The following SGPP1 variants were observed in gnomAD, a reference collection of about 807,000 sequenced individuals.
SGPP1 encodes hSPP1.
Under a neutral mutation model 33.0 loss-of-function variants are expected in SGPP1, and 21 were observed. The observed-to-expected ratio is 0.64, with a 90% CI of 0.45 to 0.92. The LOEUF (loss-of-function observed/expected upper bound fraction) is 0.92. Ranked by LOEUF, SGPP1 falls within the 40% of genes least tolerant of loss-of-function variation. The pLI is 0.00. For missense variants in SGPP1, 543 were observed against 589.4 expected, an observed-to-expected ratio of 0.92 and a Z score of 0.81; for synonymous variants, 239 against 241.2, an observed-to-expected ratio of 0.99 and a Z score of 0.08.
chr14:63,687,731 T>C (rs1270846146), intron 2 of SGPP1, among the ~76,000 whole-genome samples: 1 of 152,206 alleles, frequency 6.6e-6, no homozygotes, highest in Non-Finnish European at 1.5e-5. Context: ...CTGGGTGCAG[T>C]GGCTCATGCC....
At chr14:63,701,963 A>AT (rs1008860176) in intron 1 of SGPP1, among the ~76,000 whole-genome samples, 8 of 151,234 alleles carry the variant, frequency 5.3e-5, no homozygotes, top group Non-Finnish European at 8.8e-5. Flanking sequence ...AAAAAAAAAA[A>AT]GTCAACTTTA....
intron 1 of SGPP1, among the ~76,000 whole-genome samples, chr14:63,723,949 C>T (rs1207212402): frequency 1.3e-5 from 2 of 152,090 alleles, no homozygotes; most frequent in African/African-American, 4.8e-5. Flanking sequence ...GCAATCACAC[C>T]TCACTGCAGC....
Position 63,727,627 on chromosome 14 carries a change from G to GC in SGPP1, c.317dup (p.Ala107ArgfsTer95). 2 of 1,432,484 alleles carry GC rather than the reference G, an allele frequency of 1.4e-6. No individual in the cohort carries two copies. Among genetic ancestry groups the GC allele is most frequent in the Non-Finnish European group, 1.8e-6 (2 of 1,102,128 alleles). 88.7% of individuals were successfully genotyped at this position (1,432,484 alleles called of 1,614,324 possible). ...CCGTCAGCGAGTTGCGGCGCAGAGC[G>GC]CCCGCGCGCCGCGGCGAGGCCGGGC... is the stretch of plus-strand genomic sequence containing the variant. On this transcript the variant is annotated frameshift_variant, in exon 1 of 3. Transcript: ENST00000247225. LOFTEE classifies it high-confidence loss of function.
At chr14:63,712,950 C>T (rs1032500138) in intron 1 of SGPP1, among the ~76,000 whole-genome samples, 1 of 151,618 alleles carries the variant, frequency 6.6e-6, no homozygotes, top group African/African-American at 2.4e-5. Flanking sequence ...TGGCATTTCA[C>T]CATGTTGCCC....
chr14:63,696,643 T>C (rs1192755590), intron 2 of SGPP1, among the ~76,000 whole-genome samples: 1 of 152,204 alleles, frequency 6.6e-6, no homozygotes, highest in African/African-American at 2.4e-5. Flanking sequence ...CAATTCATAT[T>C]AAATACAAAT....
intron 1 of SGPP1, among the ~76,000 whole-genome samples, chr14:63,713,695 T>C (rs575239479): frequency 1.3e-5 from 2 of 152,360 alleles, no homozygotes; most frequent in Admixed American, 1.3e-4. Flanking sequence ...GATAGCCATA[T>C]CATGTTAGGT....
chr14:63,707,894 T>C (rs1034295830), intron 1 of SGPP1, among the ~76,000 whole-genome samples: 2 of 152,198 alleles, frequency 1.3e-5, no homozygotes, highest in South Asian at 4.1e-4. Flanking sequence ...AAATCTAGTC[T>C]GTGGTGACAA....
intron 1 of SGPP1, among the ~76,000 whole-genome samples, chr14:63,712,351 G>T (rs1315639999): frequency 6.6e-6 from 1 of 151,310 alleles, no homozygotes; most frequent in Non-Finnish European, 1.5e-5. Flanking sequence ...TTATGATACT[G>T]TCCAATCTAC....
At chr14:63,720,335 A>C (rs2139654691) in intron 1 of SGPP1, among the ~76,000 whole-genome samples, 1 of 152,172 alleles carries the variant, frequency 6.6e-6, no homozygotes, top group Non-Finnish European at 1.5e-5. Context: ...AGAAAAAGGA[A>C]AAGAAGGATG....
At chr14:63,696,179 T>C (rs1885182908) in intron 2 of SGPP1, among the ~76,000 whole-genome samples, 1 of 150,772 alleles carries the variant, frequency 6.6e-6, no homozygotes, top group Non-Finnish European at 1.5e-5. Flanking sequence ...TCTCAGCTAT[T>C]TGGAAGAATC....
intron 2 of SGPP1, among the ~76,000 whole-genome samples, chr14:63,688,456 A>G (rs2139624556): frequency 6.6e-6 from 1 of 152,194 alleles, no homozygotes; most frequent in South Asian, 2.1e-4. Context: ...AATTGTGTAG[A>G]CTTGATAGAA....
intron 1 of SGPP1, among the ~76,000 whole-genome samples, chr14:63,715,488 C>CT (rs1006516340): frequency 1.3e-5 from 2 of 151,946 alleles, no homozygotes; most frequent in South Asian, 2.1e-4. Flanking sequence ...ATAAAACCCC[C>CT]TTTTTTTTGA....
chr14:63,688,980 C>T (rs1223239892), intron 2 of SGPP1, among the ~76,000 whole-genome samples: 3 of 152,138 alleles, frequency 2.0e-5, no homozygotes, highest in Non-Finnish European at 4.4e-5. Flanking sequence ...CTCAGTCTCC[C>T]AAAGTGCTGG....
chr14:63,710,818 A>G (rs1885506181), intron 1 of SGPP1, among the ~76,000 whole-genome samples: 1 of 152,156 alleles, frequency 6.6e-6, no homozygotes, highest in African/African-American at 2.4e-5. Flanking sequence ...AGAGAGTTAT[A>G]AACTAGGCAG....
rs747443891 is a variant in SGPP1 at position 63,689,994 on chromosome 14, T to C, written c.775-3338A>G. On this transcript the variant is annotated intron_variant, in intron 2 of 2. Coordinates refer to ENST00000247225, the MANE Select transcript of SGPP1 (RefSeq NM_030791.4). ...TACAATTTATTGGTTTTCCCACTTA[T>C]GGTCATTTAAGCTGTTTTTGGGTTT... is the stretch of plus-strand genomic sequence containing the variant. Among the ~76,000 whole-genome samples the C allele has an allele frequency of 6.6e-5, 10 of 152,198 alleles. 1 individual carries two copies. The highest frequency in any genetic ancestry group is 1.3e-4 in the Non-Finnish European group (9 of 68,028).
chr14:63,714,842 C>G (rs1171964875), intron 1 of SGPP1, among the ~76,000 whole-genome samples: 1 of 151,782 alleles, frequency 6.6e-6, no homozygotes. Flanking sequence ...TTTTCCCCAC[C>G]TTAGCCTCCA....
At chr14:63,686,806 T>G (rs1461373075) in intron 2 of SGPP1, 150 bp from the exon 3 acceptor site, 1 of 552,056 alleles carries the variant, frequency 1.8e-6, no homozygotes, top group African/African-American at 1.9e-5. Context: ...TAACTGACCA[T>G]ATAAGAGGCA....
intron 2 of SGPP1, among the ~76,000 whole-genome samples, chr14:63,690,380 G>T (rs779902478): frequency 6.6e-6 from 1 of 152,188 alleles, no homozygotes; most frequent in Non-Finnish European, 1.5e-5. Flanking sequence ...ATTGTGTCAT[G>T]AAATGACAGG....
chr14:63,708,645 A>T (rs2139645091), intron 1 of SGPP1, among the ~76,000 whole-genome samples: 1 of 152,262 alleles, frequency 6.6e-6, no homozygotes, highest in South Asian at 2.1e-4. Flanking sequence ...TAGGAGAAAT[A>T]AATATGAATT....
Sources: allele counts gnomAD v4.1 joint callset (sites outside exome capture counted in the v4.1 genomes callset), GRCh38; gene constraint gnomAD v4.1.1; transcripts MANE v1.5; gene names NCBI Gene and HGNC (gene_info 2026-07-23, HGNC 2026-07-21).